PHF20: variants seen among roughly 807,000 people sequenced by gnomAD.
PHF20 encodes glioma-expressed antigen 2.
PHF20 carries 23 observed loss-of-function variants against 113.5 expected under a neutral mutation model. The observed-to-expected ratio is 0.20, with a 90% confidence interval of 0.15 to 0.29. PHF20 has a LOEUF of 0.29. PHF20 is among the 10% of genes least tolerant of loss of function. The pLI, the probability that PHF20 is intolerant of heterozygous loss-of-function variation, is 1.00. For synonymous variants in PHF20, 434 were observed against 457.3 expected (o/e 0.95, Z 0.65); for missense variants, 943 against 1,219.6 (o/e 0.77, Z 3.38).
At chr20:35,774,183 C>T (rs971045824) in intron 1 of PHF20, among the ~76,000 whole-genome samples, 4 of 151,590 alleles carry the variant, frequency 2.6e-5, no homozygotes, top group Admixed American at 2.0e-4. Context: ...CCCGGGTTCA[C>T]GACATTCTCC....
intron 16 of PHF20, among the ~76,000 whole-genome samples, 156 bp from the exon 17 acceptor site, chr20:35,940,708 C>T (rs1278693311): frequency 6.6e-6 from 1 of 152,152 alleles, no homozygotes; most frequent in Admixed American, 6.6e-5. Context: ...TGGGCAAGCT[C>T]CTGCCCAGTT....
At position 35,947,533 on chromosome 20, in the gene PHF20, C is replaced by T. The variant is rs2056107945; in HGVS notation, c.2945C>T (p.Pro982Leu). The T allele has an allele frequency of 6.2e-7, 1 of 1,614,014 alleles. No individual in the cohort carries two copies. The highest frequency in any genetic ancestry group is 8.5e-7 in the Non-Finnish European group (1 of 1,179,958). ...ACTGGGGAACTGGAGCCCCCTGAGCCGCTGGCCAGGCTTCCGCAGCTCAAG... is the reference window on the plus strand; with the variant it reads ...ACTGGGGAACTGGAGCCCCCTGAGCTGCTGGCCAGGCTTCCGCAGCTCAAG... ...DYTGELEPPE[P>L]LARLPQLKHC... Residue 982 changes from proline (P) to leucine (L), a missense_variant, in exon 18 of 18, where the codon CCG (proline) becomes CTG (leucine). Physicochemically the swap from Pro to Leu is moderately conservative, Grantham distance 98 (BLOSUM62 -3). Coordinates refer to ENST00000374012, the MANE Select transcript of PHF20 (RefSeq NM_016436.5).
chr20:35,850,819 A>AT (rs1356382735), intron 4 of PHF20: 3 of 1,091,660 alleles, frequency 2.7e-6, no homozygotes, highest in Non-Finnish European at 4.1e-6. Flanking sequence ...TTGTTATGAA[A>AT]ATCAGGTGTA....
At chr20:35,923,757 A>G (rs1401093819) in intron 13 of PHF20, among the ~76,000 whole-genome samples, 1 of 152,014 alleles carries the variant, frequency 6.6e-6, no homozygotes, top group East Asian at 1.9e-4. Context: ...TTATTTTTAT[A>G]TTTTCCTATT....
At chr20:35,772,364 G>A (rs1335383180) in intron 1 of PHF20, among the ~76,000 whole-genome samples, 1 of 151,810 alleles carries the variant, frequency 6.6e-6, no homozygotes, top group East Asian at 1.9e-4. Flanking sequence ...GGGCCGTGGG[G>A]TGCGGGCCCG....
At chr20:35,913,561 C>G (rs1012818317) in intron 11 of PHF20, among the ~76,000 whole-genome samples, 1 of 152,238 alleles carries the variant, frequency 6.6e-6, no homozygotes, top group African/African-American at 2.4e-5. Flanking sequence ...GAAAAGCCTT[C>G]TCACTTGCTG....
intron 3 of PHF20, chr20:35,845,414 G>T: frequency 2.5e-6 from 1 of 396,738 alleles, no homozygotes; most frequent in Non-Finnish European, 5.2e-6. Flanking sequence ...CGCCCAGTCT[G>T]AAGTGCAGTG....
At position 35,871,724 on chromosome 20, in the gene PHF20, G is replaced by A. The variant is rs1399073913; in HGVS notation, c.1177G>A (p.Gly393Arg). 9 of 1,613,916 alleles carry A rather than the reference G, an allele frequency of 5.6e-6. No homozygotes were observed. Among genetic ancestry groups the A allele is most frequent in the South Asian group, 4.4e-5 (4 of 91,068 alleles). Reference protein sequence around the residue: ...LTCHSFGDGSGAAGLELNCPS... With the variant: ...LTCHSFGDGSRAAGLELNCPS... Reference sequence around the variant, plus strand: ...TTGCCACTCCTTTGGGGATGGATCCGGGGCTGCAGGCTTGGAGTTGAACTG... The same window carrying A: ...TTGCCACTCCTTTGGGGATGGATCCAGGGCTGCAGGCTTGGAGTTGAACTG... The change falls in exon 9 of 18, where the codon GGG becomes AGG. Residue 393 changes from glycine (G) to arginine (R), a missense_variant. By Grantham distance (125) the Gly-to-Arg change is moderately radical (BLOSUM62 -2). This residue lies in a region of PHF20 where 592 missense variants were observed against 787.2 expected (regional missense o/e 0.75). Coordinates refer to ENST00000374012, the MANE Select transcript of PHF20 (RefSeq NM_016436.5).
intron 10 of PHF20, among the ~76,000 whole-genome samples, chr20:35,903,083 T>TCC (rs1568737904): frequency 7.5e-6 from 1 of 132,480 alleles, no homozygotes; most frequent in South Asian, 3.0e-4. Flanking sequence ...CTTTCTTTTT[T>TCC]TTTTTTTTTT....
In PHF20 at chr20:35,847,331, T is replaced by C. The variant is rs761991242; in HGVS notation, c.256-19T>C. ...TTAGGTTGGTAACAGGATCTTTTTTTTTTTTTTATGTTTTTTAGGAATTTC... is the reference window on the plus strand; with the variant it reads ...TTAGGTTGGTAACAGGATCTTTTTTCTTTTTTTATGTTTTTTAGGAATTTC... On this transcript the variant is annotated intron_variant, in intron 3 of 17. Coordinates refer to ENST00000374012, the MANE Select transcript of PHF20 (RefSeq NM_016436.5). 6.4e-7 allele frequency: 1 copy of C among 1,559,518 alleles called. No homozygotes were observed.
chr20:35,816,357 A>G (rs1230154915), intron 2 of PHF20, among the ~76,000 whole-genome samples: 2 of 152,206 alleles, frequency 1.3e-5, no homozygotes, highest in African/African-American at 4.8e-5. Flanking sequence ...ATTAACAAGT[A>G]TACTGAGTGA....
chr20:35,783,863 A>G (rs533987657), intron 1 of PHF20, among the ~76,000 whole-genome samples: 1 of 151,938 alleles, frequency 6.6e-6, no homozygotes, highest in South Asian at 2.1e-4. Flanking sequence ...CATGCCTGTA[A>G]TCTCAGCTAC....
chr20:35,899,742 G>A, intron 10 of PHF20, 94 bp downstream of exon 10: 1 of 1,334,620 alleles, frequency 7.5e-7, no homozygotes, highest in Non-Finnish European at 1.0e-6. Context: ...CATTAGGTTT[G>A]TCTGTTCCAG....
chr20:35,883,534 G>A (rs1056333609), intron 9 of PHF20, among the ~76,000 whole-genome samples: 1 of 151,656 alleles, frequency 6.6e-6, no homozygotes, highest in Non-Finnish European at 1.5e-5. Context: ...GACTTCCAGA[G>A]CTTCAGTGAT....
At chr20:35,886,472 A>G (rs1336407068) in intron 9 of PHF20, among the ~76,000 whole-genome samples, 1 of 152,210 alleles carries the variant, frequency 6.6e-6, no homozygotes, top group Non-Finnish European at 1.5e-5. Flanking sequence ...TGAAAAAATT[A>G]TTCCTTCATA....
intron 9 of PHF20, among the ~76,000 whole-genome samples, chr20:35,877,212 C>T (rs1184870946): frequency 1.4e-5 from 2 of 140,930 alleles, no homozygotes; most frequent in Non-Finnish European, 3.0e-5. Context: ...ATTGCTTGAA[C>T]CTGGGAGGAA....
At chr20:35,835,563 A>C (rs766481803) in intron 2 of PHF20, among the ~76,000 whole-genome samples, 5 of 152,318 alleles carry the variant, frequency 3.3e-5, no homozygotes, top group Non-Finnish European at 7.3e-5. Context: ...ATGATGCATG[A>C]AACCAAATAT....
intron 13 of PHF20, among the ~76,000 whole-genome samples, chr20:35,919,177 C>T (rs898166923): frequency 3.3e-5 from 5 of 151,934 alleles, no homozygotes; most frequent in Admixed American, 1.3e-4. Context: ...CTACCACGCC[C>T]GGCTAATTTT....
intron 4 of PHF20, chr20:35,855,250 T>G (rs2042805113): frequency 7.5e-7 from 1 of 1,336,174 alleles, no homozygotes; most frequent in Non-Finnish European, 9.9e-7. Flanking sequence ...GCCAACACCC[T>G]GACAATATAG....
Sources: allele counts gnomAD v4.1 joint callset (sites outside exome capture counted in the v4.1 genomes callset), GRCh38; gene constraint gnomAD v4.1.1; regional missense constraint gnomAD v4.1.1; transcripts MANE v1.5; gene names NCBI Gene and HGNC (gene_info 2026-07-23, HGNC 2026-07-21).